The following CCSER2 variants were observed in gnomAD, a reference collection of about 807,000 sequenced individuals.
The protein encoded by CCSER2 is serine-rich coiled-coil domain-containing protein 2.
In CCSER2, 46 loss-of-function variants were observed where a neutral mutation model predicts 92.3. The observed-to-expected ratio is 0.50, with a 90% confidence interval of 0.39 to 0.64. The LOEUF (loss-of-function observed/expected upper bound fraction) is 0.64, where lower values mean the gene tolerates loss of function less well. Among genes scored for constraint, CCSER2 ranks in the 30% least tolerant of loss-of-function variants. The pLI, the probability that CCSER2 is intolerant of heterozygous loss-of-function variation, is 0.00. For synonymous variants in CCSER2, 433 were observed against 431.4 expected (o/e 1.00, Z -0.04); for missense variants, 1,244 against 1,238.9 (o/e 1.00, Z -0.06).
chr10:84,347,260 T>G (rs1185803510), intron 1 of CCSER2, among the ~76,000 whole-genome samples: 2 of 152,342 alleles, frequency 1.3e-5, no homozygotes, highest in East Asian at 3.9e-4. Flanking sequence ...AAAACCATCG[T>G]CATCATGGCC....
chr10:84,487,538 CTCTG>C (rs1029294160), intron 9 of CCSER2, among the ~76,000 whole-genome samples: 8 of 151,620 alleles, frequency 5.3e-5, no homozygotes, highest in East Asian at 1.9e-4. Flanking sequence ...TGATTTGGCT[CTCTG>C]TCTGTTATTG....
At chr10:84,395,549 C>T (rs1447422696) in intron 3 of CCSER2, among the ~76,000 whole-genome samples, 1 of 152,128 alleles carries the variant, frequency 6.6e-6, no homozygotes, top group Non-Finnish European at 1.5e-5. Context: ...CTTCTAGTGG[C>T]ATTTGTGTGG....
In CCSER2 at chr10:84,468,653, A is replaced by G. The variant is rs549259405; in HGVS notation, c.2149-1719A>G. ...TCCGAACCTACTGGTGACTGCATGA[A>G]TGATGGCTATATAGTGTTCCATGAA... On this transcript the variant is annotated intron_variant, in intron 7 of 9. Coordinates refer to ENST00000372088, the MANE Select transcript of CCSER2 (RefSeq NM_001284240.2). 2.2e-4 allele frequency among the ~76,000 whole-genome samples: 33 copies of G among 152,344 alleles called. 1 individual carries two copies. The South Asian group carries it at 6.4e-3, about 30-fold the overall frequency.
At chr10:84,399,907 TTTTC>T (rs1018703189) in intron 3 of CCSER2, among the ~76,000 whole-genome samples, 33 of 151,090 alleles carry the variant, frequency 2.2e-4, no homozygotes, top group African/African-American at 7.2e-4. Context: ...TTCTGTCTTT[TTTTC>T]TTTCTTTCTT....
At position 84,332,436 on chromosome 10, in the gene CCSER2, A is replaced by ATATATT. The variant is rs1401635246; in HGVS notation, c.-40+3629_-40+3630insATATTT. On this transcript the variant is annotated intron_variant, in intron 1 of 9. Coordinates refer to ENST00000372088, the MANE Select transcript of CCSER2 (RefSeq NM_001284240.2). Reference sequence around the variant, plus strand: ...TTTATATATATATATATATATATATATTTTTTTTTTTTTTTTTTTTTGAGA... The same window carrying ATATATT: ...TTTATATATATATATATATATATATATATATTTTTTTTTTTTTTTTTTTTTTTGAGA... 2.9e-3 allele frequency among the ~76,000 whole-genome samples: 159 copies of ATATATT among 55,198 alleles called. 4 individuals carry two copies. The highest frequency in any genetic ancestry group is 0.017 in the African/African-American group (150 of 8,686). 36.2% of individuals were successfully genotyped at this position (55,198 alleles called of 152,430 possible). A position where few individuals can be genotyped will look rare whatever the true frequency, so the allele number is the denominator to read the frequency against.
At position 84,446,288 on chromosome 10, in the gene CCSER2, T is replaced by C. The variant is rs146779552; in HGVS notation, c.2064+7581T>C. ...TTTTGGGGATAAAAATAAAGGAGTATATAATAGTATTTTATGAACTGTCAA... is the reference window on the plus strand; with the variant it reads ...TTTTGGGGATAAAAATAAAGGAGTACATAATAGTATTTTATGAACTGTCAA... On this transcript the variant is annotated intron_variant, in intron 6 of 9. Transcript: ENST00000372088. 2.5e-3 allele frequency among the ~76,000 whole-genome samples: 385 copies of C among 152,322 alleles called. 2 individuals carry two copies. The highest frequency in any genetic ancestry group is 8.5e-3 in the African/African-American group (354 of 41,568).
intron 6 of CCSER2, among the ~76,000 whole-genome samples, chr10:84,463,096 C>T (rs941874500): frequency 4.6e-5 from 7 of 152,154 alleles, no homozygotes; most frequent in Non-Finnish European, 1.0e-4. Context: ...CTTTCTGAAC[C>T]ATTGAGCATG....
rs565144423 is a variant in CCSER2 at position 84,499,381 on chromosome 10, G to A, written c.2326-14068G>A. Reference sequence around the variant, plus strand: ...CAACTCCTGACCTCGTGATCCACCCGCCTCATCCTCCCAAAGTGCTGGGAT... The same window carrying A: ...CAACTCCTGACCTCGTGATCCACCCACCTCATCCTCCCAAAGTGCTGGGAT... On this transcript the variant is annotated intron_variant, in intron 9 of 9. Transcript: ENST00000372088. Among the ~76,000 whole-genome samples, 8 of 152,184 alleles carry A rather than the reference G, an allele frequency of 5.3e-5. No homozygotes were observed. The South Asian group carries it at 6.2e-4, about 12-fold the overall frequency.
At chr10:84,477,532 A>G (rs1847221209) in intron 8 of CCSER2, 43 bp from the exon 9 acceptor site, 1 of 1,035,836 alleles carries the variant, frequency 9.7e-7, no homozygotes, top group Non-Finnish European at 1.5e-6. Flanking sequence ...TGGTGTGTAT[A>G]TGCAGAATTA....
chr10:84,408,464 C>T (rs1391928790), intron 3 of CCSER2, among the ~76,000 whole-genome samples: 1 of 152,082 alleles, frequency 6.6e-6, no homozygotes, highest in Non-Finnish European at 1.5e-5. Flanking sequence ...TTCTTTCCTT[C>T]CGTGTTCCTC....
intron 3 of CCSER2, among the ~76,000 whole-genome samples, chr10:84,411,820 C>T (rs188854354): frequency 6.6e-6 from 1 of 152,276 alleles, no homozygotes; most frequent in Admixed American, 6.5e-5. Flanking sequence ...TGACTGATTG[C>T]CCTGGCCAGA....
At position 84,371,076 on chromosome 10, in the gene CCSER2, G is replaced by A. The variant is rs1846035961; in HGVS notation, c.24G>A (p.Lys8=). The A allele has an allele frequency of 3.1e-6, 5 of 1,592,082 alleles. No individual in the cohort carries two copies. The highest frequency in any genetic ancestry group is 1.4e-5 in the African/African-American group (1 of 73,642). MEEKTQI[K]TFLGSKLPKY... is the part of the protein sequence containing the mutation. ...TCATGGAAGAAAAAACACAAATCAA[G>A]ACATTTTTGGGTTCCAAGTTGCCAA... Residue 8 remains lysine, a synonymous_variant, in exon 2 of 10, where the codon AAG becomes AAA. Transcript: ENST00000372088.
At chr10:84,374,056 G>A in intron 3 of CCSER2, 3 of 873,030 alleles carry the variant, frequency 3.4e-6, no homozygotes, top group Non-Finnish European at 5.0e-6. Flanking sequence ...ATACATATGT[G>A]CATACTATAT....
chr10:84,464,036 C>T lies in CCSER2; in HGVS notation c.2148+20C>T. The T allele has an allele frequency of 1.4e-6, 2 of 1,396,362 alleles. No individual in the cohort carries two copies. The allele number at this position is 1,396,362 out of a possible 1,614,324, so 86.5% of individuals were successfully genotyped here. A position where few individuals can be genotyped will look rare whatever the true frequency, so the allele number is the denominator to read the frequency against. ...TATAAGGTATGACTATGTAGTCATG[C>T]TGGATTTTTCAAAATTCTTTTTAAA... On this transcript the variant is annotated intron_variant, in intron 7 of 9. Transcript: ENST00000372088.
intron 9 of CCSER2, among the ~76,000 whole-genome samples, chr10:84,484,383 G>GA (rs1847676075): frequency 6.6e-6 from 1 of 152,014 alleles, no homozygotes; most frequent in South Asian, 2.1e-4. Flanking sequence ...AAAGTGCTGG[G>GA]ACCACAGGCA....
rs994107324 is a variant in CCSER2 at position 84,409,945 on chromosome 10, A to G, written c.1615-7826A>G. ...CCTGCCCTCTGCTAGGTCCCAGTGC[A>G]TGTTGTTCCCTGCAATGTGTCCATG... is the stretch of plus-strand genomic sequence containing the variant. On this transcript the variant is annotated intron_variant, in intron 3 of 9. Transcript: ENST00000372088. 4.0e-5 allele frequency among the ~76,000 whole-genome samples: 6 copies of G among 151,896 alleles called. No individual in the cohort carries two copies. In the East Asian group the frequency reaches 1.2e-3, roughly 29 times the overall value.
intron 5 of CCSER2, among the ~76,000 whole-genome samples, chr10:84,437,900 G>A (rs1030766661): frequency 6.6e-6 from 1 of 151,668 alleles, no homozygotes. Flanking sequence ...TTTTAGTAGG[G>A]ATGAGGTTTC....
chr10:84,473,583 A>C (rs1235903961), intron 8 of CCSER2, among the ~76,000 whole-genome samples: 1 of 152,230 alleles, frequency 6.6e-6, no homozygotes, highest in Non-Finnish European at 1.5e-5. Flanking sequence ...TTAGTTATAG[A>C]ACTCGAGAAA....
intron 6 of CCSER2, among the ~76,000 whole-genome samples, chr10:84,439,336 T>C (rs1047176213): frequency 6.6e-6 from 1 of 152,208 alleles, no homozygotes; most frequent in African/African-American, 2.4e-5. Context: ...AGGTCAGATG[T>C]ATAGCAGAAA....
Sources: allele counts gnomAD v4.1 joint callset (sites outside exome capture counted in the v4.1 genomes callset), GRCh38; gene constraint gnomAD v4.1.1; transcripts MANE v1.5; gene names NCBI Gene and HGNC (gene_info 2026-07-23, HGNC 2026-07-21).